PTK7: variants seen among roughly 807,000 people sequenced by gnomAD.
The protein encoded by PTK7 is inactive tyrosine-protein kinase 7.
PTK7 carries 39 observed loss-of-function variants against 116.6 expected under a neutral mutation model. The observed-to-expected ratio is 0.33, with a 90% CI of 0.26 to 0.44. PTK7 has a LOEUF of 0.44. Among genes scored for constraint, PTK7 ranks in the 20% least tolerant of loss-of-function variants. PTK7 has a pLI of 1.00. For missense variants in PTK7, 1,169 were observed against 1,425.6 expected (o/e 0.82, Z 2.90); for synonymous variants, 546 against 563.6 (o/e 0.97, Z 0.44).
chr6:43,105,652 C>T (rs1192879776), intron 1 of PTK7, among the ~76,000 whole-genome samples: 1 of 152,036 alleles, frequency 6.6e-6, no homozygotes, highest in Non-Finnish European at 1.5e-5. Context: ...GGTGGCGCCC[C>T]ATGTGAAGAG....
At chr6:43,160,104 T>C (rs1771759955) in intron 19 of PTK7, 138 bp downstream of exon 19, 2 of 881,924 alleles carry the variant, frequency 2.3e-6, no homozygotes, top group Non-Finnish European at 3.4e-6. Context: ...CTCTGGTTGT[T>C]AAAATACTGC....
Position 43,143,739 on chromosome 6 carries a change from G to A in PTK7, c.2251+119G>A. On this transcript the variant is annotated intron_variant, in intron 14 of 19. Coordinates refer to ENST00000230419, the MANE Select transcript of PTK7 (RefSeq NM_002821.5). The surrounding 1 kb of genome is among the most constrained non-coding windows in gnomAD (Gnocchi z 4.2). ...CGAGCGGCTGTTGCTGGGTCCTGGAGCTGGGACTGCCCCACCCCTAGCGGG... is the reference window on the plus strand; with the variant it reads ...CGAGCGGCTGTTGCTGGGTCCTGGAACTGGGACTGCCCCACCCCTAGCGGG... 9.1e-7 allele frequency: 1 copy of A among 1,104,006 alleles called. No homozygotes were observed. Among genetic ancestry groups the A allele is most frequent in the African/African-American group, 1.6e-5 (1 of 63,442 alleles). The allele number at this position is 1,104,006 out of a possible 1,614,324, so 68.4% of individuals were successfully genotyped here.
chr6:43,135,879 A>T (rs1770005738), intron 7 of PTK7, among the ~76,000 whole-genome samples: 1 of 152,120 alleles, frequency 6.6e-6, no homozygotes, highest in South Asian at 2.1e-4. Flanking sequence ...ACATGGTGAA[A>T]CCCCATCTCT....
chr6:43,141,907 C>A lies in PTK7; in HGVS notation c.1769-24C>A, dbSNP rs369882856. The A allele has an allele frequency of 6.3e-7, 1 of 1,594,714 alleles. No individual in the cohort carries two copies. Among genetic ancestry groups the A allele is most frequent in the South Asian group, 1.1e-5 (1 of 89,642 alleles). On this transcript the variant is annotated intron_variant, in intron 11 of 19. Coordinates refer to ENST00000230419, the MANE Select transcript of PTK7 (RefSeq NM_002821.5). The surrounding 1 kb of genome is among the most constrained non-coding windows in gnomAD (Gnocchi z 4.9). Reference sequence around the variant, plus strand: ...GCCCCTTGGCTTACCCCTCCCTGCGCCTCGCTGGTCTCTTTTCTTCCAGTT... The same window carrying A: ...GCCCCTTGGCTTACCCCTCCCTGCGACTCGCTGGTCTCTTTTCTTCCAGTT...
chr6:43,151,656 C>T (rs538535359), intron 17 of PTK7, among the ~76,000 whole-genome samples: 4 of 147,890 alleles, frequency 2.7e-5, no homozygotes, highest in African/African-American at 5.0e-5. Context: ...CTCAGCCTCC[C>T]GAGTAGAGTA....
chr6:43,088,716 A>C (rs1053384166), intron 1 of PTK7, among the ~76,000 whole-genome samples: 12 of 151,888 alleles, frequency 7.9e-5, no homozygotes, highest in African/African-American at 2.9e-4. Context: ...TAAATAAATA[A>C]ATAAATAAAT....
rs1465812828 is a variant in PTK7 at position 43,076,719 on chromosome 6, G to T, written c.79+152G>T. On this transcript the variant is annotated intron_variant, in intron 1 of 19. Transcript: ENST00000230419. This position sits in a 1 kb window ranked among gnomAD's most constrained non-coding sequence, Gnocchi z 5.7. ...GGGTGCAGGCTTGCGGCGGAAGGGC[G>T]CAAGGAGCCCGGGTGTCGGGAGGCT... 2 of 1,377,866 alleles carry T rather than the reference G, an allele frequency of 1.5e-6. No homozygotes were observed. Among genetic ancestry groups the T allele is most frequent in the South Asian group, 1.5e-5 (1 of 65,062 alleles). 85.4% of individuals were successfully genotyped at this position (1,377,866 alleles called of 1,614,324 possible).
At chr6:43,079,098 C>T (rs1346659054) in intron 1 of PTK7, among the ~76,000 whole-genome samples, 1 of 152,120 alleles carries the variant, frequency 6.6e-6, no homozygotes, top group East Asian at 1.9e-4. Flanking sequence ...GGACAGAGCT[C>T]AAGCAATGGA....
intron 1 of PTK7, among the ~76,000 whole-genome samples, chr6:43,094,737 C>A (rs1419547456): frequency 6.6e-6 from 1 of 151,940 alleles, no homozygotes; most frequent in African/African-American, 2.4e-5. Flanking sequence ...CTCTGTCTCC[C>A]AAAGTGCTGG....
At chr6:43,128,523 G>C (rs751297647) in intron 1 of PTK7, among the ~76,000 whole-genome samples, 1 of 152,206 alleles carries the variant, frequency 6.6e-6, no homozygotes, top group Non-Finnish European at 1.5e-5. Flanking sequence ...GGTGGCTCAC[G>C]CCTGTAATCC....
chr6:43,147,061 A>T (rs1341721293), intron 17 of PTK7, among the ~76,000 whole-genome samples: 1 of 152,220 alleles, frequency 6.6e-6, no homozygotes, highest in African/African-American at 2.4e-5. Context: ...GAGAAGCAGC[A>T]AGCAGTCCTA....
intron 1 of PTK7, among the ~76,000 whole-genome samples, chr6:43,101,475 C>T (rs539436216): frequency 6.6e-6 from 1 of 151,734 alleles, no homozygotes; most frequent in East Asian, 1.9e-4. Flanking sequence ...TGGCATGAAC[C>T]CGGGAGGCAG....
chr6:43,152,334 A>C (rs942854152), intron 17 of PTK7, among the ~76,000 whole-genome samples: 1 of 152,184 alleles, frequency 6.6e-6, no homozygotes, highest in African/African-American at 2.4e-5. Flanking sequence ...GTTTGAGACC[A>C]GCCTGGCCAA....
chr6:43,143,308 C>T lies in PTK7; in HGVS notation c.2048-109C>T, dbSNP rs974946900. 32 of 1,104,086 alleles carry T rather than the reference C, an allele frequency of 2.9e-5. No individual in the cohort carries two copies. Among genetic ancestry groups the T allele is most frequent in the Middle Eastern group, 2.1e-4 (1 of 4,820 alleles). 68.4% of individuals were successfully genotyped at this position (1,104,086 alleles called of 1,614,324 possible). On this transcript the variant is annotated intron_variant, in intron 13 of 19. Transcript: ENST00000230419. The surrounding 1 kb of genome is among the most constrained non-coding windows in gnomAD (Gnocchi z 4.2). ...AAGCCAGTGAAGGTGGTGACCCTCC[C>T]GGGCCATCTGTTAAGTTGCCCTGTT...
At chr6:43,138,178 TTG>T (rs1770157666) in intron 7 of PTK7, among the ~76,000 whole-genome samples, 1 of 77,004 alleles carries the variant, frequency 1.3e-5, no homozygotes, top group African/African-American at 1.0e-4. Flanking sequence ...CTTGGGGGGT[TTG>T]TTTTTTTTGT....
chr6:43,082,659 C>G (rs149657730), intron 1 of PTK7, among the ~76,000 whole-genome samples: 1 of 152,164 alleles, frequency 6.6e-6, no homozygotes, highest in Non-Finnish European at 1.5e-5. Flanking sequence ...TCACTTTATG[C>G]GAACACTCCT....
intron 19 of PTK7, 37 bp downstream of exon 19, chr6:43,160,003 G>C (rs1294463195): frequency 6.3e-7 from 1 of 1,589,490 alleles, no homozygotes; most frequent in South Asian, 1.2e-5. Context: ...ATTCCAGATG[G>C]GCCCCAGATG....
intron 1 of PTK7, among the ~76,000 whole-genome samples, chr6:43,123,541 G>A (rs1177426266): frequency 6.6e-6 from 1 of 151,610 alleles, no homozygotes; most frequent in Non-Finnish European, 1.5e-5. Context: ...TGCACACATG[G>A]GCTGGCTGGG....
At chr6:43,086,416 CTTTTTT>C (rs35357864) in intron 1 of PTK7, among the ~76,000 whole-genome samples, 1 of 140,530 alleles carries the variant, frequency 7.1e-6, no homozygotes, top group East Asian at 2.1e-4. Flanking sequence ...GACACTCTGG[CTTTTTT>C]TTTTTTTTGT....
Sources: allele counts gnomAD v4.1 joint callset (sites outside exome capture counted in the v4.1 genomes callset), GRCh38; gene constraint gnomAD v4.1.1; non-coding constraint Gnocchi (gnomAD v3.1); transcripts MANE v1.5; gene names NCBI Gene and HGNC (gene_info 2026-07-23, HGNC 2026-07-21).